The following GGA2 variants were observed in gnomAD, a reference collection of about 807,000 sequenced individuals.
The protein encoded by GGA2 is golgi associated, gamma adaptin ear containing, ARF binding protein 2, also known as ADP-ribosylation factor-binding protein GGA2.
Under a neutral mutation model 79.5 loss-of-function variants are expected in GGA2, and 48 were observed. That is an observed-to-expected ratio of 0.60 (90% CI 0.48 to 0.77). GGA2 has a LOEUF of 0.77. Ranked by LOEUF, GGA2 falls within the 30% of genes least tolerant of loss-of-function variation. The pLI is 0.00. For missense variants in GGA2, 770 were observed against 774.0 expected, an observed-to-expected ratio of 0.99 and a Z score of 0.06; for synonymous variants, 317 against 302.0, an observed-to-expected ratio of 1.05 and a Z score of -0.51.
At chr16:23,478,272 G>C (rs1213044338) in intron 13 of GGA2, 96 bp downstream of exon 13, 3 of 801,128 alleles carry the variant, frequency 3.7e-6, no homozygotes, top group Non-Finnish European at 5.6e-6. Context: ...CAGGGCGAGA[G>C]GCTGTCTTAG....
chr16:23,480,856 C>T, intron 9 of GGA2, 86 bp from the exon 10 acceptor site: 1 of 1,294,426 alleles, frequency 7.7e-7, no homozygotes, highest in Non-Finnish European at 1.1e-6. Context: ...AAACAGCCTT[C>T]ATATGGCTAG....
chr16:23,498,430 AAAT>A (rs1377378399), intron 1 of GGA2, among the ~76,000 whole-genome samples: 1 of 152,048 alleles, frequency 6.6e-6, no homozygotes, highest in Non-Finnish European at 1.5e-5. Flanking sequence ...CCCGTCTCAA[AAAT>A]AATAATAAAA....
At position 23,467,218 on chromosome 16, in the gene GGA2, G is replaced by C. The variant is rs1044702751; in HGVS notation, c.*372C>G. 2 of 205,054 alleles carry C rather than the reference G, an allele frequency of 9.8e-6. No individual in the cohort carries two copies. Among genetic ancestry groups the C allele is most frequent in the Admixed American group, 5.3e-5 (1 of 18,836 alleles). 12.7% of individuals were successfully genotyped at this position (205,054 alleles called of 1,614,324 possible). ...CACAGAGTGGATGAATGGAACGAAC[G>C]ATACATGAAAAAAACACTTTGGCTG... On this transcript the variant is annotated 3_prime_UTR_variant, in exon 17 of 17. Transcript: ENST00000309859.
chr16:23,518,724 G>C (rs918578179), intron 2 of GGA2, among the ~76,000 whole-genome samples: 1 of 152,068 alleles, frequency 6.6e-6, no homozygotes, highest in South Asian at 2.1e-4. Flanking sequence ...ACTGTTAAGA[G>C]TCTGGCAGTT....
chr16:23,495,661 A>G (rs1264303961), intron 2 of GGA2, 33 bp downstream of exon 2: 7 of 1,252,490 alleles, frequency 5.6e-6, no homozygotes, highest in Non-Finnish European at 8.2e-6. Context: ...GGGTGCCCCC[A>G]GAGTCAACTA....
exon 1 of GGA2, chr16:23,521,936 T>C (rs960216290): frequency 7.3e-6 from 3 of 408,270 alleles, no homozygotes; most frequent in South Asian, 1.7e-5. Context: ...CCTCGTACTA[T>C]AACCTCGGAA....
chr16:23,479,048 C>T (rs763200999), intron 11 of GGA2, 137 bp from the exon 12 acceptor site: 10 of 683,660 alleles, frequency 1.5e-5, no homozygotes, highest in East Asian at 2.6e-5. Context: ...TCATGTGACT[C>T]GTCCATGGCC....
intron 2 of GGA2, among the ~76,000 whole-genome samples, chr16:23,516,082 A>G (rs1042173329): frequency 4.0e-5 from 6 of 150,030 alleles, no homozygotes; most frequent in Non-Finnish European, 8.9e-5. Context: ...ATCACAGCCC[A>G]CTGCAGCCTC....
chr16:23,485,446 T>C (rs1304956684), intron 8 of GGA2, among the ~76,000 whole-genome samples: 1 of 152,226 alleles, frequency 6.6e-6, no homozygotes, highest in Non-Finnish European at 1.5e-5. Context: ...CAATCACCCT[T>C]GAAGATAGCT....
At chr16:23,520,657 TAAAAA>T (rs77857333) in intron 1 of GGA2, among the ~76,000 whole-genome samples, 1 of 131,952 alleles carries the variant, frequency 7.6e-6, no homozygotes, top group Non-Finnish European at 1.6e-5. Flanking sequence ...AACATCCTCT[TAAAAA>T]AAAAAAAAAA....
At chr16:23,480,103 T>C in intron 10 of GGA2, 1 of 532,036 alleles carries the variant, frequency 1.9e-6, no homozygotes, top group Admixed American at 3.2e-5. Context: ...ACCCCAGGGA[T>C]CATAGGCCCT....
chr16:23,503,418 CTTT>C, intron 1 of GGA2, among the ~76,000 whole-genome samples: 2 of 152,048 alleles, frequency 1.3e-5, no homozygotes, highest in African/African-American at 4.8e-5. Context: ...ATGATATTTT[CTTT>C]TTTATCTTTA....
At position 23,467,716 on chromosome 16, in the gene GGA2, C is replaced by G. The variant is rs1209426767; in HGVS notation, c.1732-16G>C. The G allele has an allele frequency of 7.7e-7, 1 of 1,302,534 alleles. No individual in the cohort carries two copies. The highest frequency in any genetic ancestry group is 1.2e-5 in the South Asian group (1 of 84,510). 80.7% of individuals were successfully genotyped at this position (1,302,534 alleles called of 1,614,324 possible). On this transcript the variant is annotated splice_polypyrimidine_tract_variant and intron_variant, in intron 16 of 16. Transcript: ENST00000309859. Reference sequence around the variant, plus strand: ...GGATAGGTTCCTGGGACAGAAGAGACAGAAGATGTCAAATCAGTGGAGAGC... The same window carrying G: ...GGATAGGTTCCTGGGACAGAAGAGAGAGAAGATGTCAAATCAGTGGAGAGC...
chr16:23,510,523 G>A, upstream of GGA2: 1 of 417,596 alleles, frequency 2.4e-6, no homozygotes, highest in Non-Finnish European at 4.0e-6. Flanking sequence ...ACGTGACGGG[G>A]CGGGGCCGCT....
At chr16:23,508,216 G>A (rs1314678256) in intron 1 of GGA2, among the ~76,000 whole-genome samples, 3 of 151,912 alleles carry the variant, frequency 2.0e-5, no homozygotes, top group East Asian at 1.9e-4. Context: ...ACAGGTGTGC[G>A]CCACCACACA....
chr16:23,513,139 C>T (rs1278923577), upstream of GGA2, among the ~76,000 whole-genome samples: 1 of 152,178 alleles, frequency 6.6e-6, no homozygotes, highest in Non-Finnish European at 1.5e-5. Flanking sequence ...ATGAGCTCTA[C>T]AGTTTGCCAA....
intron 2 of GGA2, among the ~76,000 whole-genome samples, chr16:23,494,806 G>A (rs116984818): frequency 0.017 from 2,623 of 152,376 alleles, 42 homozygotes; most frequent in Middle Eastern, 0.085. Context: ...GATGGGCCAG[G>A]CACAGTGGCT....
At chr16:23,508,063 C>CTT (rs397855668) in intron 1 of GGA2, among the ~76,000 whole-genome samples, 27 of 138,436 alleles carry the variant, frequency 2.0e-4, no homozygotes, top group Admixed American at 5.8e-4. Context: ...ACTCCGGCTA[C>CTT]TTTTTTTTTT....
intron 2 of GGA2, chr16:23,495,377 T>C (rs1275666804): frequency 1.0e-5 from 2 of 191,474 alleles, no homozygotes; most frequent in Admixed American, 1.2e-4. Flanking sequence ...CTGTGTTTTT[T>C]TTCCCCCACA....
Sources: gnomAD v4.1 joint callset for allele counts (sites outside exome capture counted in the v4.1 genomes callset) on GRCh38, gnomAD v4.1.1 for gene constraint, MANE v1.5 for transcripts, NCBI Gene and HGNC (gene_info 2026-07-23, HGNC 2026-07-21) for gene names.